PCLO: variants seen among roughly 807,000 people sequenced by gnomAD.
PCLO encodes protein piccolo.
PCLO carries 82 observed loss-of-function variants against 427.5 expected under a neutral mutation model. That is an observed-to-expected ratio of 0.19 (90% CI 0.16 to 0.23). The LOEUF is 0.23. Among genes scored for constraint, PCLO ranks in the 10% least tolerant of loss-of-function variants. The pLI is 1.00. For synonymous variants in PCLO, 2,357 were observed against 2,155.4 expected, an observed-to-expected ratio of 1.09 and a Z score of -2.59; for missense variants, 6,239 against 6,115.9, an observed-to-expected ratio of 1.02 and a Z score of -0.67.
intron 3 of PCLO, among the ~76,000 whole-genome samples, chr7:83,093,089 C>T (rs180831400): frequency 2.2e-4 from 33 of 151,776 alleles, no homozygotes; most frequent in Admixed American, 1.8e-3. Context: ...CCCTAGAAAA[C>T]GCTAAATTTC....
Position 82,954,576 on chromosome 7 carries a change from G to C in PCLO, c.6377C>G (p.Ser2126Cys), listed in dbSNP as rs761499253. 35 of 1,613,918 alleles carry C rather than the reference G, an allele frequency of 2.2e-5. No homozygotes were observed. Among genetic ancestry groups the C allele is most frequent in the Non-Finnish European group, 2.5e-5 (29 of 1,179,824 alleles). ...TTGGGTTATTTTAACATCTGGGATAGAGAGTGTTGCACTGCTGGTCGAATC... is the reference window on the plus strand; with the variant it reads ...TTGGGTTATTTTAACATCTGGGATACAGAGTGTTGCACTGCTGGTCGAATC... ...LTDSTSSATL[S>C]IPDVKITQHF... The change falls in exon 5 of 25, where the codon TCT (serine) becomes TGT (cysteine). Residue 2126 changes from serine (S) to cysteine (C), a missense_variant. Physicochemically the swap from Ser to Cys is moderately radical, Grantham distance 112. Around this residue, in one of 5 missense-constraint regions of PCLO, gnomAD observed 4,677 missense variants for 4,468.4 expected, o/e 1.05. Coordinates refer to ENST00000333891, the MANE Select transcript of PCLO (RefSeq NM_033026.6).
intron 2 of PCLO, among the ~76,000 whole-genome samples, chr7:83,141,814 T>C (rs1304026420): frequency 6.6e-6 from 1 of 152,220 alleles, no homozygotes; most frequent in South Asian, 2.1e-4. Flanking sequence ...TATCAATTAA[T>C]GGTGCCCTTT....
At chr7:83,138,333 C>T (rs1791780110) in intron 2 of PCLO, among the ~76,000 whole-genome samples, 1 of 152,046 alleles carries the variant, frequency 6.6e-6, no homozygotes, top group African/African-American at 2.4e-5. Flanking sequence ...ATTTATTGAG[C>T]ACCTTCTATA....
chr7:82,778,765 A>G (rs922364673), intron 22 of PCLO, among the ~76,000 whole-genome samples: 1 of 151,738 alleles, frequency 6.6e-6, no homozygotes, highest in African/African-American at 2.4e-5. Flanking sequence ...AATTTTTTTT[A>G]TAAATAAAGT....
intron 16 of PCLO, among the ~76,000 whole-genome samples, chr7:82,832,489 A>G (rs1339764603): frequency 5.9e-5 from 9 of 151,966 alleles, no homozygotes; most frequent in Non-Finnish European, 1.3e-4. Flanking sequence ...TCCTGACCCC[A>G]TGAACCACCC....
At chr7:83,086,147 T>C (rs898278850) in intron 3 of PCLO, among the ~76,000 whole-genome samples, 1 of 138,500 alleles carries the variant, frequency 7.2e-6, no homozygotes, top group African/African-American at 2.7e-5. Context: ...TCTTGCGCTG[T>C]CGCCCAGGCT....
Position 82,914,693 on chromosome 7 carries a change from G to A in PCLO, c.13293C>T (p.Asp4431=), listed in dbSNP as rs1219774206. 1 of 1,613,014 alleles carries A rather than the reference G, an allele frequency of 6.2e-7. No homozygotes were observed. The highest frequency in any genetic ancestry group is 1.7e-5 in the Admixed American group (1 of 59,890). The change falls in exon 7 of 25, where the codon GAC becomes GAT. Residue 4431 remains aspartate, a synonymous_variant. Coordinates refer to ENST00000333891, the MANE Select transcript of PCLO (RefSeq NM_033026.6). ...GTTTGAGGCCCAATTTACCTTCACT[G>A]TCTGACATGGCATGTTGGAAGTCAT... The part of the protein sequence containing the change: ...IMDDFQHAMS[D]SEAYHLRREE...
chr7:82,956,201 C>T lies in PCLO; in HGVS notation c.4752G>A (p.Glu1584=), dbSNP rs370656832. The change falls in exon 5 of 25, where the codon GAG becomes GAA. Residue 1584 remains glutamate (E), a synonymous_variant. Transcript: ENST00000333891. ...DDEFIRNQLK[E]ISSSTESQKK... ...TCTGGCTCTCAGTACTGCTACTAAT[C>T]TCTTTGAGCTGGTTTCTGATGAACT... is the stretch of plus-strand genomic sequence containing the variant. 1.0e-4 allele frequency: 163 copies of T among 1,610,096 alleles called. 1 individual carries two copies. In the Admixed American group the frequency reaches 2.0e-3, roughly 20 times the overall value.
intron 3 of PCLO, among the ~76,000 whole-genome samples, chr7:83,066,141 A>C (rs1197719549): frequency 6.6e-6 from 1 of 152,140 alleles, no homozygotes; most frequent in Admixed American, 6.6e-5. Context: ...TTTCTATGAA[A>C]AGTTATTGCT....
chr7:82,761,093 G>T (rs1790423306), intron 23 of PCLO, among the ~76,000 whole-genome samples: 1 of 151,014 alleles, frequency 6.6e-6, no homozygotes, highest in Non-Finnish European at 1.5e-5. Flanking sequence ...ACTACAGGCA[G>T]GAGCGACCAC....
At chr7:82,859,557 G>T (rs1792902000) in intron 10 of PCLO, among the ~76,000 whole-genome samples, 1 of 152,172 alleles carries the variant, frequency 6.6e-6, no homozygotes, top group African/African-American at 2.4e-5. Flanking sequence ...GGCTTGGGGT[G>T]CCCCCTAAAG....
intron 7 of PCLO, among the ~76,000 whole-genome samples, chr7:82,913,476 A>G (rs1307395101): frequency 6.6e-6 from 1 of 151,970 alleles, no homozygotes; most frequent in African/African-American, 2.4e-5. Flanking sequence ...GGAAATAATA[A>G]TGCTTTTATT....
intron 3 of PCLO, among the ~76,000 whole-genome samples, chr7:83,051,413 T>G (rs990434483): frequency 5.3e-5 from 8 of 152,066 alleles, no homozygotes; most frequent in Admixed American, 4.6e-4. Context: ...TATACCAGCA[T>G]GAACATTTAG....
intron 2 of PCLO, among the ~76,000 whole-genome samples, chr7:83,139,137 T>C (rs988668397): frequency 6.6e-6 from 1 of 152,066 alleles, no homozygotes; most frequent in African/African-American, 2.4e-5. Flanking sequence ...TAAATAAAAA[T>C]TTTAAATATC....
intron 3 of PCLO, among the ~76,000 whole-genome samples, chr7:83,095,220 T>C (rs1297442107): frequency 6.6e-6 from 1 of 151,914 alleles, no homozygotes; most frequent in Admixed American, 6.6e-5. Flanking sequence ...CGTTTTTTTC[T>C]ACTTTGCCGA....
At chr7:82,963,826 T>G (rs1244830724) in intron 4 of PCLO, among the ~76,000 whole-genome samples, 1 of 151,970 alleles carries the variant, frequency 6.6e-6, no homozygotes. Flanking sequence ...ATAAGGTAAA[T>G]ATTAGTAAAA....
intron 3 of PCLO, among the ~76,000 whole-genome samples, chr7:83,074,669 A>T (rs1789907112): frequency 6.6e-6 from 1 of 152,150 alleles, no homozygotes; most frequent in African/African-American, 2.4e-5. Context: ...AATTAGATGA[A>T]TTGTCACTAG....
chr7:82,771,058 A>T (rs561784991), intron 22 of PCLO, among the ~76,000 whole-genome samples: 1 of 152,032 alleles, frequency 6.6e-6, no homozygotes, highest in South Asian at 2.1e-4. Flanking sequence ...TGTTTGAAAG[A>T]GGGAAGCAGA....
chr7:82,918,097 T>C (rs1028665308), intron 6 of PCLO, among the ~76,000 whole-genome samples: 1 of 151,978 alleles, frequency 6.6e-6, no homozygotes, highest in African/African-American at 2.4e-5. Context: ...TTAAAATATT[T>C]GGATGGAAAT....
Sources: gnomAD v4.1 joint callset for allele counts (sites outside exome capture counted in the v4.1 genomes callset) on GRCh38, gnomAD v4.1.1 for gene constraint, gnomAD v4.1.1 regional missense constraint, MANE v1.5 for transcripts, NCBI Gene and HGNC (gene_info 2026-07-23, HGNC 2026-07-21) for gene names.